ABCE1: variants seen among roughly 807,000 people sequenced by gnomAD.
The protein encoded by ABCE1 is ATP-binding cassette sub-family E member 1.
ABCE1 carries 22 observed loss-of-function variants against 83.4 expected under a neutral mutation model. That is an observed-to-expected ratio of 0.26 (90% CI 0.19 to 0.38). ABCE1 has a LOEUF of 0.38. Among genes scored for constraint, ABCE1 ranks in the 10% least tolerant of loss-of-function variants. ABCE1 has a pLI of 1.00. For missense variants in ABCE1, 330 were observed against 721.9 expected (o/e 0.46, Z 6.22); for synonymous variants, 204 against 233.7 (o/e 0.87, Z 1.16).
intron 3 of ABCE1, among the ~76,000 whole-genome samples, chr4:145,106,498 T>G (rs1054973619): frequency 6.6e-6 from 1 of 152,050 alleles, no homozygotes; most frequent in Non-Finnish European, 1.5e-5. Flanking sequence ...GTGCTGGGAA[T>G]CTGGTTTTGA....
intron 17 of ABCE1, among the ~76,000 whole-genome samples, chr4:145,126,467 G>A (rs944362204): frequency 1.3e-5 from 2 of 151,968 alleles, no homozygotes; most frequent in African/African-American, 4.8e-5. Flanking sequence ...CTAATTTTCT[G>A]TATTTTTTTG....
intron 10 of ABCE1, among the ~76,000 whole-genome samples, chr4:145,118,664 A>G (rs577996425): frequency 4.9e-4 from 75 of 152,030 alleles, no homozygotes; most frequent in Non-Finnish European, 3.2e-4. Flanking sequence ...TGTCATGTCT[A>G]AAGGCTGTGC....
chr4:145,110,856 T>G, intron 7 of ABCE1, 112 bp from the exon 8 acceptor site: 1 of 675,906 alleles, frequency 1.5e-6, no homozygotes, highest in Non-Finnish European at 2.5e-6. Flanking sequence ...TTGTTATATT[T>G]AAACAATTTT....
chr4:145,115,233 G>T (rs545727924), intron 9 of ABCE1, among the ~76,000 whole-genome samples: 5 of 151,940 alleles, frequency 3.3e-5, no homozygotes, highest in African/African-American at 9.7e-5. Context: ...CCATTTGAAG[G>T]TTGGGGTTGG....
rs1251157653 is a variant in ABCE1, at chr4:145,128,931, AT to A, written c.*1359del. 1 of 152,232 alleles carries A rather than the reference AT, an allele frequency of 6.6e-6. No homozygotes were observed. Among genetic ancestry groups the A allele is most frequent in the Non-Finnish European group, 1.5e-5 (1 of 68,026 alleles). 9.4% of individuals were successfully genotyped at this position (152,232 alleles called of 1,614,324 possible). On this transcript the variant is annotated 3_prime_UTR_variant, in exon 18 of 18. Coordinates refer to ENST00000296577, the MANE Select transcript of ABCE1 (RefSeq NM_002940.3). ...AAAAAATTCAAATATACAGAATGGA[AT>A]AAAAAAATGATCTCCCTTTATTACC...
chr4:145,110,881 T>G (rs1215184181), intron 7 of ABCE1, 87 bp from the exon 8 acceptor site: 3 of 833,026 alleles, frequency 3.6e-6, no homozygotes, highest in Non-Finnish European at 5.7e-6. Flanking sequence ...TGAAATAGCA[T>G]TCAAACTTCA....
At chr4:145,127,408 G>T in intron 17 of ABCE1, 118 bp from the exon 18 acceptor site, 1 of 842,156 alleles carries the variant, frequency 1.2e-6, no homozygotes, top group South Asian at 1.7e-5. Flanking sequence ...GGTATGTGCA[G>T]AACAGGTTGT....
chr4:145,104,571 T>G, intron 2 of ABCE1, 56 bp downstream of exon 2: 1 of 1,181,214 alleles, frequency 8.5e-7, no homozygotes, highest in Non-Finnish European at 1.2e-6. Flanking sequence ...AGAAATCAAC[T>G]GGTTTGATAA....
At chr4:145,110,306 CTTGTTTTACTTTGTGATTCTTTTTAATA>C (rs1158845144) in intron 6 of ABCE1, 41 bp from the exon 7 acceptor site, 8 of 1,597,212 alleles carry the variant, frequency 5.0e-6, no homozygotes, top group Non-Finnish European at 6.8e-6. Flanking sequence ...TCAAAATAAA[CTTGTTTTACTTTGTGATTCTTTTTAATA>C]TTGAAAGAAA....
rs1426919906 is a variant in ABCE1, at chr4:145,129,477, TG to T, written c.*1905del. Among the ~76,000 whole-genome samples, 1 of 152,146 alleles carries T rather than the reference TG, an allele frequency of 6.6e-6. No homozygotes were observed. The highest frequency in any genetic ancestry group is 1.5e-5 in the Non-Finnish European group (1 of 68,014). On this transcript the variant is annotated 3_prime_UTR_variant, in exon 18 of 18. Coordinates refer to ENST00000296577, the MANE Select transcript of ABCE1 (RefSeq NM_002940.3). ...GAACAGTTTATTATACTACCATTTT[TG>T]TGAAAATATACAAAATATTGAAATA... is the stretch of plus-strand genomic sequence containing the variant.
chr4:145,121,237 C>T lies in ABCE1; in HGVS notation c.1204+4C>T, dbSNP rs547367201. 2 of 1,613,648 alleles carry T rather than the reference C, an allele frequency of 1.2e-6. No individual in the cohort carries two copies. Among genetic ancestry groups the T allele is most frequent in the South Asian group, 2.2e-5 (2 of 91,058 alleles). ...AGACTTAAACCTGATGAAGGAGGTA[C>T]ATTTGTAACTGTTGAGTCTTTTTAC... On this transcript the variant is annotated splice_donor_region_variant and intron_variant, in intron 12 of 17. Coordinates refer to ENST00000296577, the MANE Select transcript of ABCE1 (RefSeq NM_002940.3).
At chr4:145,112,188 A>C (rs1385287996) in intron 8 of ABCE1, 51 bp from the exon 9 acceptor site, 1 of 1,314,606 alleles carries the variant, frequency 7.6e-7, no homozygotes, top group Admixed American at 2.5e-5. Context: ...TGTAAGGTAG[A>C]ATGTCTTGTC....
At chr4:145,121,765 A>G in intron 13 of ABCE1, 1 of 179,068 alleles carries the variant, frequency 5.6e-6, no homozygotes, top group Non-Finnish European at 1.2e-5. Context: ...CCAGCTACTC[A>G]GGAGGCTGAG....
intron 7 of ABCE1, chr4:145,110,767 G>A: frequency 1.8e-6 from 1 of 550,560 alleles, no homozygotes; most frequent in South Asian, 2.6e-5. Flanking sequence ...CGGCCATTTT[G>A]TGTATATATT....
intron 13 of ABCE1, chr4:145,121,611 C>T: frequency 6.9e-6 from 3 of 432,948 alleles, no homozygotes; most frequent in Middle Eastern, 3.3e-4. Context: ...CAGTAGCTCA[C>T]GCCTGTAATG....
At chr4:145,124,049 T>C (rs918234238) in intron 16 of ABCE1, 3 of 153,098 alleles carry the variant, frequency 2.0e-5, no homozygotes, top group Admixed American at 6.5e-5. Flanking sequence ...TTAAAATAAA[T>C]GGTTTTACTT....
chr4:145,103,981 AG>A (rs1457599368), intron 1 of ABCE1, among the ~76,000 whole-genome samples: 1 of 152,054 alleles, frequency 6.6e-6, no homozygotes, highest in Non-Finnish European at 1.5e-5. Context: ...AAATTCAGGA[AG>A]GGTTTAAATC....
intron 1 of ABCE1, among the ~76,000 whole-genome samples, chr4:145,100,445 T>G (rs1450290225): frequency 6.6e-6 from 1 of 152,258 alleles, no homozygotes; most frequent in Admixed American, 6.5e-5. Context: ...TTAAGCAATT[T>G]CGTGGTGATT....
At chr4:145,119,861 G>C (rs1749697894) in intron 10 of ABCE1, 71 bp from the exon 11 acceptor site, 10 of 1,104,718 alleles carry the variant, frequency 9.1e-6, no homozygotes, top group Non-Finnish European at 1.3e-5. Context: ...ATAGTCTATA[G>C]ATTGCTCCCA....
Sources: allele counts gnomAD v4.1 joint callset (sites outside exome capture counted in the v4.1 genomes callset), GRCh38; gene constraint gnomAD v4.1.1; transcripts MANE v1.5; gene names NCBI Gene and HGNC (gene_info 2026-07-23, HGNC 2026-07-21).